Variants in GRIA3 observed in about 807,000 individuals in gnomAD.
GRIA3 encodes the protein glutamate receptor 3.
GRIA3 carries 3 observed loss-of-function variants against 63.0 expected under a neutral mutation model. The ratio of observed to expected loss-of-function variants is 0.05; its 90% confidence interval spans 0.02 to 0.12. GRIA3 has a LOEUF of 0.12. Among genes scored for constraint, GRIA3 ranks in the 10% least tolerant of loss-of-function variants. GRIA3 has a pLI of 1.00. For missense variants in GRIA3, 347 were observed against 700.9 expected, an observed-to-expected ratio of 0.50 and a Z score of 5.70; for synonymous variants, 274 against 257.9, an observed-to-expected ratio of 1.06 and a Z score of -0.60.
At chrX:123,388,332 G>T (rs1390827679) in intron 5 of GRIA3, among the ~76,000 whole-genome samples, 1 of 111,321 alleles carries the variant, frequency 9.0e-6, no homozygotes, top group Non-Finnish European at 1.9e-5. Flanking sequence ...TGCAACCTCT[G>T]TTTCCTGGGT....
In GRIA3 at chrX:123,474,882, G is replaced by A. The variant is rs149849826; in HGVS notation, c.2325-5181G>A. On this transcript the variant is annotated intron_variant, in intron 13 of 15. Transcript: ENST00000620443. ...TCCAGGAGACCACCAGCTGGCAGGT[G>A]GAGGCCTTGGATTGTGAGCAGTCTT... is the stretch of plus-strand genomic sequence containing the variant. Among the ~76,000 whole-genome samples, 1,106 of 111,470 alleles carry A rather than the reference G, an allele frequency of 9.9e-3. 11 individuals carry two copies. The highest frequency in any genetic ancestry group is 0.034 in the African/African-American group (1,032 of 30,639).
intron 1 of GRIA3, 118 bp downstream of exon 1, chrX:123,184,762 G>C: frequency 2.5e-6 from 1 of 393,174 alleles, no homozygotes; most frequent in East Asian, 7.2e-5. Flanking sequence ...TGGGACTGGG[G>C]CCGGGACCGG....
intron 4 of GRIA3, among the ~76,000 whole-genome samples, chrX:123,345,311 T>C (rs2045038318): frequency 9.1e-6 from 1 of 110,262 alleles, no homozygotes; most frequent in Non-Finnish European, 1.9e-5. Context: ...AAATTATTGC[T>C]CTCACCTCTC....
intron 2 of GRIA3, among the ~76,000 whole-genome samples, chrX:123,221,738 C>A (rs756043424): frequency 2.0e-3 from 219 of 111,624 alleles, no homozygotes; most frequent in African/African-American, 6.7e-3. Flanking sequence ...GTTGTTTCTT[C>A]AGGCATGCAG....
intron 4 of GRIA3, among the ~76,000 whole-genome samples, chrX:123,339,089 T>C (rs2044993241): frequency 8.9e-6 from 1 of 112,239 alleles, no homozygotes; most frequent in Non-Finnish European, 1.9e-5. Flanking sequence ...TTCATGGGGA[T>C]GGTTCTGTCA....
chrX:123,277,211 C>T (rs937838261), intron 3 of GRIA3, among the ~76,000 whole-genome samples: 1 of 110,678 alleles, frequency 9.0e-6, no homozygotes, highest in African/African-American at 3.3e-5. Context: ...ATACGCACAT[C>T]ATGGAGAATG....
rs200503976 is a variant in GRIA3 at position 123,253,475 on chromosome X, C to T, written c.441C>T (p.Gly147=). The T allele has an allele frequency of 2.6e-5, 31 of 1,205,457 alleles. No homozygotes were observed. Among genetic ancestry groups the T allele is most frequent in the African/African-American group, 8.8e-5 (5 of 57,014 alleles). Residue 147 remains glycine, a synonymous_variant, in exon 3 of 16, where the codon GGC becomes GGT. Coordinates refer to ENST00000620443, the MANE Select transcript of GRIA3 (RefSeq NM_007325.5). ...TCCAGATGCGCCCAGCCTTGAAGGG[C>T]GCTATTCTGAGTCTTCTGGGTCATT... ...FVIQMRPALK[G]AILSLLGHYK...
At chrX:123,324,924 G>A (rs16997317) in intron 3 of GRIA3, among the ~76,000 whole-genome samples, 4,218 of 111,899 alleles carry the variant, frequency 0.038, 186 homozygotes, top group African/African-American at 0.13. Flanking sequence ...AAAGGGCATC[G>A]CAATCCTCTC....
At chrX:123,468,614 A>G (rs771841194) in intron 13 of GRIA3, among the ~76,000 whole-genome samples, 1 of 112,782 alleles carries the variant, frequency 8.9e-6, no homozygotes, top group East Asian at 2.8e-4. Context: ...AGTTTGAATT[A>G]CAAAATAGAC....
intron 12 of GRIA3, among the ~76,000 whole-genome samples, chrX:123,458,336 T>G (rs188636544): frequency 6.4e-4 from 70 of 108,765 alleles, no homozygotes; most frequent in African/African-American, 2.0e-3. Context: ...AATGGAGAAA[T>G]GGAAACAGAG....
chrX:123,358,072 CAG>C (rs767778687), intron 5 of GRIA3, among the ~76,000 whole-genome samples: 54 of 106,891 alleles, frequency 5.1e-4, no homozygotes, highest in East Asian at 1.4e-3. Context: ...CAAAGACAGA[CAG>C]AGAGAGAGAG....
chrX:123,374,307 T>C (rs755139585), intron 5 of GRIA3, among the ~76,000 whole-genome samples: 64 of 111,936 alleles, frequency 5.7e-4, no homozygotes, highest in African/African-American at 2.0e-3. Context: ...CCAGCTTTGT[T>C]ATTTTTGCCT....
At position 123,428,061 on chromosome X, in the gene GRIA3, G is replaced by A. The variant is rs2147401089; in HGVS notation, c.1998G>A (p.Glu666=). ...LTVERMVSPI[E]SAEDLAKQTE... ...TGGAGAGGATGGTTTCTCCCATAGA[G>A]AGTGCTGAAGACTTAGCTAAACAGA... The change falls in exon 12 of 16, where the codon GAG becomes GAA. Residue 666 remains glutamate (E), a synonymous_variant. Transcript: ENST00000620443. 1 of 1,198,587 alleles carries A rather than the reference G, an allele frequency of 8.3e-7. No homozygotes were observed.
intron 2 of GRIA3, among the ~76,000 whole-genome samples, chrX:123,195,740 T>C (rs1355172671): frequency 8.9e-6 from 1 of 112,022 alleles, no homozygotes; most frequent in Non-Finnish European, 1.9e-5. Context: ...AGGTTACTGG[T>C]TGAGGGAAGC....
chrX:123,188,552 G>T (rs779673101), intron 2 of GRIA3, among the ~76,000 whole-genome samples: 1 of 111,222 alleles, frequency 9.0e-6, no homozygotes, highest in South Asian at 3.9e-4. Context: ...TGTGCAAAGA[G>T]AAACCTCTGT....
intron 12 of GRIA3, among the ~76,000 whole-genome samples, chrX:123,457,757 A>G (rs2045769834): frequency 8.9e-6 from 1 of 111,930 alleles, no homozygotes; most frequent in Non-Finnish European, 1.9e-5. Flanking sequence ...AATTCAGTTA[A>G]TTCTGCACTA....
chrX:123,317,945 C>A (rs1170403895), intron 3 of GRIA3, among the ~76,000 whole-genome samples: 1 of 112,883 alleles, frequency 8.9e-6, no homozygotes, highest in African/African-American at 3.2e-5. Flanking sequence ...GCCTGGGCAT[C>A]CAGGCATTTC....
chrX:123,336,386 C>A (rs1437204886), intron 4 of GRIA3, among the ~76,000 whole-genome samples: 1 of 111,733 alleles, frequency 8.9e-6, no homozygotes, highest in African/African-American at 3.3e-5. Flanking sequence ...CACCACCTGG[C>A]TCGTCCAGTC....
chrX:123,336,213 T>TA (rs34269650), intron 4 of GRIA3, among the ~76,000 whole-genome samples: 46,294 of 110,675 alleles, frequency 0.42, 7,081 homozygotes, highest in Non-Finnish European at 0.46. Flanking sequence ...AGCATGTAAA[T>TA]GAGCAATAAC....
Sources: gnomAD v4.1 joint callset for allele counts (sites outside exome capture counted in the v4.1 genomes callset) on GRCh38, gnomAD v4.1.1 for gene constraint, MANE v1.5 for transcripts, NCBI Gene and HGNC (gene_info 2026-07-23, HGNC 2026-07-21) for gene names.